The following CC2D2B variants were observed in gnomAD, a reference collection of about 807,000 sequenced individuals.
CC2D2B encodes protein CC2D2B.
CC2D2B carries 128 observed loss-of-function variants against 161.2 expected under a neutral mutation model. The ratio of observed to expected loss-of-function variants is 0.79; its 90% confidence interval spans 0.69 to 0.92. CC2D2B has a LOEUF of 0.92. Ranked by LOEUF, CC2D2B falls within the 40% of genes least tolerant of loss-of-function variation. The pLI, the probability that CC2D2B is intolerant of heterozygous loss-of-function variation, is 0.00. For missense variants in CC2D2B, 1,173 were observed against 1,375.1 expected (o/e 0.85, Z 2.32); for synonymous variants, 391 against 449.8 (o/e 0.87, Z 1.65).
At chr10:96,012,491 C>A (rs766284402) in intron 27 of CC2D2B, 41 bp from the exon 28 acceptor site, 1 of 1,383,914 alleles carries the variant, frequency 7.2e-7, no homozygotes, top group Non-Finnish European at 1.0e-6. Flanking sequence ...CTTGTGAGAA[C>A]AATACAGTAC....
At chr10:95,943,098 G>C (rs12267027) in intron 9 of CC2D2B, among the ~76,000 whole-genome samples, 42,527 of 151,888 alleles carry the variant, frequency 0.28, 6,787 homozygotes, top group African/African-American at 0.43. Context: ...CAGTGTGAAG[G>C]CTCATTCTGA....
chr10:96,012,088 A>ACC (rs1330746613), intron 26 of CC2D2B, 97 bp from the exon 27 acceptor site: 4 of 545,040 alleles, frequency 7.3e-6, no homozygotes, highest in Non-Finnish European at 1.3e-5. Context: ...GCAAGCAAGC[A>ACC]AGCTTTCTGT....
intron 3 of CC2D2B, among the ~76,000 whole-genome samples, chr10:95,922,832 TCTGTTGCCTAAGG>T (rs2141167581): frequency 6.6e-6 from 1 of 152,152 alleles, no homozygotes; most frequent in South Asian, 2.1e-4. Flanking sequence ...AGAGTCTTGC[TCTGTTGCCTAAGG>T]CTGGAGTGAA....
chr10:95,989,361 G>A (rs549374838), intron 20 of CC2D2B, among the ~76,000 whole-genome samples: 38 of 152,238 alleles, frequency 2.5e-4, no homozygotes, highest in Admixed American at 3.9e-4. Flanking sequence ...CTTCTAGTTC[G>A]TACACCATGA....
intron 2 of CC2D2B, among the ~76,000 whole-genome samples, chr10:95,914,556 C>T (rs896947835): frequency 2.6e-5 from 4 of 152,274 alleles, no homozygotes; most frequent in Admixed American, 6.5e-5. Flanking sequence ...AATTGGATCA[C>T]GGGAGTGGTT....
chr10:95,967,064 A>G (rs1212985276), intron 14 of CC2D2B, among the ~76,000 whole-genome samples: 1 of 152,118 alleles, frequency 6.6e-6, no homozygotes, highest in East Asian at 1.9e-4. Context: ...AGTGTTGGAA[A>G]ATACTGGGTA....
At chr10:95,971,349 A>T (rs1188403448) in intron 15 of CC2D2B, among the ~76,000 whole-genome samples, 1 of 150,874 alleles carries the variant, frequency 6.6e-6, no homozygotes, top group Non-Finnish European at 1.5e-5. Context: ...TGATTGCACC[A>T]CTACAATCCA....
intron 28 of CC2D2B, 117 bp downstream of exon 28, chr10:96,012,846 T>C (rs1236684206): frequency 4.5e-6 from 3 of 668,630 alleles, no homozygotes; most frequent in South Asian, 1.9e-5. Flanking sequence ...TCAAAATATT[T>C]GTACTGTTTG....
chr10:95,920,555 C>T (rs117038448), intron 2 of CC2D2B: 2 of 151,996 alleles, frequency 1.3e-5, no homozygotes, highest in Non-Finnish European at 2.9e-5. Flanking sequence ...ATCATATCGC[C>T]AAGTTGCAAA....
intron 23 of CC2D2B, 57 bp from the exon 24 acceptor site, chr10:95,996,086 C>A (rs2078220536): frequency 1.3e-6 from 1 of 753,166 alleles, no homozygotes. Context: ...AGGCCTCTAC[C>A]TTTATCGACT....
chr10:95,952,692 A>C (rs1180802280), intron 10 of CC2D2B, among the ~76,000 whole-genome samples: 1 of 152,098 alleles, frequency 6.6e-6, no homozygotes, highest in African/African-American at 2.4e-5. Context: ...GTTTTCTGAA[A>C]TTAATACTCT....
At chr10:95,947,114 T>TATATATATA (rs1491386108) in intron 9 of CC2D2B, among the ~76,000 whole-genome samples, 374 of 23,534 alleles carry the variant, frequency 0.016, 2 homozygotes, top group Middle Eastern at 0.033. Context: ...TATATATATA[T>TATATATATA]TTTTTTTTTT....
At chr10:96,030,741 G>A (rs2080032333) in intron 34 of CC2D2B, among the ~76,000 whole-genome samples, 1 of 152,112 alleles carries the variant, frequency 6.6e-6, no homozygotes, top group African/African-American at 2.4e-5. Context: ...AGTAAGGTAG[G>A]TTTTGCTTTG....
chr10:96,014,165 G>T (rs2079099929), intron 29 of CC2D2B, among the ~76,000 whole-genome samples: 1 of 152,152 alleles, frequency 6.6e-6, no homozygotes, highest in African/African-American at 2.4e-5. Flanking sequence ...TTGTCACTAT[G>T]GAGTTGGTCA....
At chr10:95,910,011 C>A (rs553514237) in intron 1 of CC2D2B, among the ~76,000 whole-genome samples, 1 of 152,008 alleles carries the variant, frequency 6.6e-6, no homozygotes, top group Admixed American at 6.6e-5. Flanking sequence ...AATAATTAGC[C>A]GAGCCTTAGA....
Position 95,943,154 on chromosome 10 carries a change from T to C in CC2D2B, c.801+4229T>C, listed in dbSNP as rs76362426. 2.1e-3 allele frequency among the ~76,000 whole-genome samples: 321 copies of C among 152,318 alleles called. 1 individual carries two copies. Among genetic ancestry groups the C allele is most frequent in the African/African-American group, 7.2e-3 (301 of 41,570 alleles). ...CCTGCAGCTCCTTCGGTCCTTAACC[T>C]GACCATCCACAATTGGAGTAGACAA... On this transcript the variant is annotated intron_variant, in intron 9 of 34. Transcript: ENST00000646931.
intron 16 of CC2D2B, among the ~76,000 whole-genome samples, chr10:95,972,613 C>T (rs1230708124): frequency 6.6e-6 from 1 of 152,168 alleles, no homozygotes; most frequent in African/African-American, 2.4e-5. Flanking sequence ...CGCACCTGGC[C>T]CTGTGTTTAT....
intron 21 of CC2D2B, 51 bp downstream of exon 21, chr10:95,991,512 C>A: frequency 5.9e-6 from 3 of 509,854 alleles, no homozygotes; most frequent in Non-Finnish European, 6.0e-6. Context: ...AAGATAATAT[C>A]TTTAAAATCC....
At chr10:95,919,085 A>T (rs1033274656) in intron 2 of CC2D2B, 3 of 152,140 alleles carry the variant, frequency 2.0e-5, no homozygotes, top group African/African-American at 7.2e-5. Context: ...CGCTTGAAAG[A>T]TCACATATTT....
Sources: allele counts gnomAD v4.1 joint callset (sites outside exome capture counted in the v4.1 genomes callset), GRCh38; gene constraint gnomAD v4.1.1; transcripts MANE v1.5; gene names NCBI Gene and HGNC (gene_info 2026-07-23, HGNC 2026-07-21).